FSIP1: variants seen among roughly 807,000 people sequenced by gnomAD.
FSIP1 encodes the protein fibrous sheath interacting protein 1.
Under a neutral mutation model 60.9 loss-of-function variants are expected in FSIP1, and 65 were observed. That is an observed-to-expected ratio of 1.07 (90% CI 0.87 to 1.31). FSIP1 has a LOEUF of 1.31. Ranked by LOEUF, FSIP1 falls within the 40% of genes most tolerant of loss-of-function variation. The pLI is 0.00. For synonymous variants in FSIP1, 209 were observed against 221.2 expected, an observed-to-expected ratio of 0.94 and a Z score of 0.49; for missense variants, 675 against 665.5, an observed-to-expected ratio of 1.01 and a Z score of -0.16.
In FSIP1 at chr15:39,653,797, T is replaced by C. The variant is rs559985960; in HGVS notation, c.1189-35552A>G. On this transcript the variant is annotated intron_variant, in intron 10 of 11. Transcript: ENST00000350221. ...ACTTGCTCCTCCTTGCCTTCTGCCA[T>C]GACTGTGAGGCTTCCCCAGCCATGT... Among the ~76,000 whole-genome samples the C allele has an allele frequency of 2.6e-5, 4 of 152,374 alleles. No individual in the cohort carries two copies. The East Asian group carries it at 7.7e-4, about 29-fold the overall frequency.
At chr15:39,639,853 A>G (rs1892288182) in intron 10 of FSIP1, among the ~76,000 whole-genome samples, 1 of 152,228 alleles carries the variant, frequency 6.6e-6, no homozygotes. Context: ...ACAAATAAGC[A>G]GAGTAACTTA....
At chr15:39,598,354 A>T (rs1890526337), downstream of FSIP1, 3 of 152,236 alleles carry the variant, frequency 2.0e-5, no homozygotes, top group South Asian at 6.2e-4. Flanking sequence ...TAAATTGCCA[A>T]ATCATTTTAT....
intron 11 of FSIP1, among the ~76,000 whole-genome samples, chr15:39,611,055 A>G (rs1463684655): frequency 6.6e-6 from 1 of 152,240 alleles, no homozygotes; most frequent in Non-Finnish European, 1.5e-5. Context: ...GGTGTAAGTA[A>G]GACATAGTCA....
chr15:39,612,421 A>G (rs1260080186), intron 11 of FSIP1, among the ~76,000 whole-genome samples: 2 of 152,204 alleles, frequency 1.3e-5, no homozygotes, highest in Admixed American at 6.5e-5. Context: ...GGGGGAAAAA[A>G]GGAAATCAAA....
chr15:39,728,964 C>T (rs928942792), intron 8 of FSIP1, among the ~76,000 whole-genome samples: 1 of 152,076 alleles, frequency 6.6e-6, no homozygotes, highest in Non-Finnish European at 1.5e-5. Flanking sequence ...AGAAGACATA[C>T]ACATAGCCAA....
intron 10 of FSIP1, among the ~76,000 whole-genome samples, chr15:39,645,215 A>G (rs1283462541): frequency 6.6e-6 from 1 of 152,224 alleles, no homozygotes; most frequent in Non-Finnish European, 1.5e-5. Flanking sequence ...CCATTGTGGA[A>G]AACAGTATGA....
intron 2 of FSIP1, 24 bp from the exon 3 acceptor site, chr15:39,770,634 A>AG: frequency 7.1e-7 from 1 of 1,406,138 alleles, no homozygotes; most frequent in Non-Finnish European, 9.4e-7. Context: ...CAAAAAAAAA[A>AG]CAGTTTCCGA....
intron 10 of FSIP1, among the ~76,000 whole-genome samples, chr15:39,677,496 T>C (rs1364668277): frequency 1.3e-5 from 2 of 152,018 alleles, no homozygotes; most frequent in African/African-American, 4.8e-5. Context: ...GAACTTGGTA[T>C]TATATACCAA....
chr15:39,748,169 C>T (rs1349997105), intron 5 of FSIP1, among the ~76,000 whole-genome samples: 1 of 151,976 alleles, frequency 6.6e-6, no homozygotes, highest in East Asian at 1.9e-4. Flanking sequence ...TCTTCCAGTT[C>T]TTCTTTTTTG....
At chr15:39,724,843 A>T (rs16969721) in intron 9 of FSIP1, among the ~76,000 whole-genome samples, 9,686 of 152,278 alleles carry the variant, frequency 0.064, 723 homozygotes, top group East Asian at 0.21. Flanking sequence ...AAAAGAATAG[A>T]GTATCTGTGA....
chr15:39,705,825 C>G (rs1357823238), intron 10 of FSIP1, among the ~76,000 whole-genome samples: 1 of 151,936 alleles, frequency 6.6e-6, no homozygotes, highest in African/African-American at 2.4e-5. Flanking sequence ...TGGCAAAACC[C>G]CATCTCTACT....
At chr15:39,765,811 C>A (rs780292073) in intron 3 of FSIP1, 65 bp from the exon 4 acceptor site, 50 of 901,898 alleles carry the variant, frequency 5.5e-5, no homozygotes, top group Non-Finnish European at 8.1e-5. Context: ...TTGTTTTGTT[C>A]TTACAATTTG....
In FSIP1 at chr15:39,701,616, T is replaced by C. The variant is rs189067277; in HGVS notation, c.1188+11828A>G. 7.5e-4 allele frequency among the ~76,000 whole-genome samples: 114 copies of C among 152,342 alleles called. 2 individuals are homozygous for C. In the South Asian group the frequency reaches 0.02, roughly 27 times the overall value. Reference sequence around the variant, plus strand: ...TAACTCCAAGAATGTCCACTTAACGTTATATTTTCATTTCTACAAATTCTA... The same window carrying C: ...TAACTCCAAGAATGTCCACTTAACGCTATATTTTCATTTCTACAAATTCTA... On this transcript the variant is annotated intron_variant, in intron 10 of 11. Coordinates refer to ENST00000350221, the MANE Select transcript of FSIP1 (RefSeq NM_152597.5).
intron 10 of FSIP1, among the ~76,000 whole-genome samples, chr15:39,627,111 C>A (rs190237040): frequency 1.2e-4 from 19 of 152,330 alleles, no homozygotes; most frequent in Middle Eastern, 3.4e-3. Context: ...AGTTTCCCAG[C>A]AGCATACACA....
intron 10 of FSIP1, among the ~76,000 whole-genome samples, chr15:39,631,651 G>A (rs1462742966): frequency 6.6e-6 from 1 of 152,158 alleles, no homozygotes; most frequent in Non-Finnish European, 1.5e-5. Context: ...TGCATTCTGG[G>A]CCTACTGCTG....
chr15:39,735,869 G>T (rs1385701801), intron 8 of FSIP1, among the ~76,000 whole-genome samples: 2 of 151,492 alleles, frequency 1.3e-5, no homozygotes, highest in Admixed American at 6.6e-5. Context: ...GCACCTATTA[G>T]CCTAGGTCTA....
chr15:39,628,593 G>A (rs1429714111), intron 10 of FSIP1, among the ~76,000 whole-genome samples: 4 of 152,086 alleles, frequency 2.6e-5, no homozygotes, highest in Admixed American at 6.5e-5. Flanking sequence ...TTATTTCCTC[G>A]TGGCATTTTA....
chr15:39,677,921 G>C (rs867045931), intron 10 of FSIP1, among the ~76,000 whole-genome samples: 23 of 151,880 alleles, frequency 1.5e-4, no homozygotes, highest in African/African-American at 4.8e-4. Flanking sequence ...ACTTGAACCA[G>C]GGAGTTGGAG....
chr15:39,782,008 C>T (rs1352287825), intron 1 of FSIP1, among the ~76,000 whole-genome samples: 1 of 152,202 alleles, frequency 6.6e-6, no homozygotes, highest in African/African-American at 2.4e-5. Context: ...GCCAATCTTT[C>T]TTTAGTTATG....
Sources: allele counts gnomAD v4.1 joint callset (sites outside exome capture counted in the v4.1 genomes callset), GRCh38; gene constraint gnomAD v4.1.1; transcripts MANE v1.5; gene names NCBI Gene and HGNC (gene_info 2026-07-23, HGNC 2026-07-21).